The following ZCCHC2 variants were observed in gnomAD, a reference collection of about 807,000 sequenced individuals.
ZCCHC2 encodes zinc finger CCHC-type containing 2, also known as zinc finger CCHC domain-containing protein 2.
In ZCCHC2, 39 loss-of-function variants were observed where a neutral mutation model predicts 103.6. That is an observed-to-expected ratio of 0.38 (90% confidence interval 0.29 to 0.49). The LOEUF (loss-of-function observed/expected upper bound fraction) is 0.49. Among genes scored for constraint, ZCCHC2 ranks in the 20% least tolerant of loss-of-function variants. The pLI is 0.96. For synonymous variants in ZCCHC2, 687 were observed against 608.9 expected (o/e 1.13, Z -1.89); for missense variants, 1,483 against 1,491.0 (o/e 0.99, Z 0.09).
intron 4 of ZCCHC2, among the ~76,000 whole-genome samples, chr18:62,546,502 C>T (rs925560754): frequency 2.6e-5 from 4 of 152,200 alleles, no homozygotes; most frequent in African/African-American, 7.2e-5. Flanking sequence ...GTTTTCATTT[C>T]CCTTCTGCTG....
At chr18:62,550,700 A>G (rs1357808789) in intron 5 of ZCCHC2, among the ~76,000 whole-genome samples, 1 of 152,258 alleles carries the variant, frequency 6.6e-6, no homozygotes, top group Non-Finnish European at 1.5e-5. Context: ...AAATATGCAG[A>G]TATTGAATAA....
At chr18:62,524,533 G>C in intron 1 of ZCCHC2, 170 bp downstream of exon 1, 1 of 1,113,642 alleles carries the variant, frequency 9.0e-7, no homozygotes, top group Non-Finnish European at 1.2e-6. Flanking sequence ...TCGCTGGGCC[G>C]CTCCGTTCCA....
chr18:62,540,702 C>A (rs561567498), intron 2 of ZCCHC2, among the ~76,000 whole-genome samples: 108 of 151,914 alleles, frequency 7.1e-4, no homozygotes, highest in Non-Finnish European at 1.1e-3. Context: ...TTTAGAAGAA[C>A]GTAGAGATTA....
chr18:62,524,413 C>T lies in ZCCHC2; in HGVS notation c.939+50C>T, dbSNP rs867058145. 3.5e-6 allele frequency: 5 copies of T among 1,424,802 alleles called. No individual in the cohort carries two copies. The Middle Eastern group carries it at 7.3e-4, about 207-fold the overall frequency. 88.3% of individuals were successfully genotyped at this position (1,424,802 alleles called of 1,614,324 possible). On this transcript the variant is annotated intron_variant, in intron 1 of 13. Coordinates refer to ENST00000269499, the MANE Select transcript of ZCCHC2 (RefSeq NM_017742.6). ...ACTCGCGGTGCGATCGCTGCCCCGG[C>T]GGCCTCCCCGGCCTCGCTCTCGGAC... is the stretch of plus-strand genomic sequence containing the variant.
chr18:62,574,897 C>T lies in ZCCHC2; in HGVS notation c.2816C>T (p.Ala939Val), dbSNP rs746097067. ...PSQNSSVLST[A>V]ATSPQPASAG... ...CAGAACTCCAGTGTGCTCAGCACAG[C>T]AGCAACTTCTCCCCAGCCAGCGAGC... The change falls in exon 13 of 14, where the codon GCA becomes GTA. Residue 939 changes from alanine to valine, a missense_variant. By Grantham distance (64) the Ala-to-Val change is moderately conservative. This residue lies in a region of ZCCHC2 where 884 missense variants were observed against 907.5 expected (regional missense o/e 0.97). Transcript: ENST00000269499. The T allele has an allele frequency of 1.2e-6, 2 of 1,613,898 alleles. No homozygotes were observed. The highest frequency in any genetic ancestry group is 1.7e-5 in the Admixed American group (1 of 60,036).
chr18:62,562,301 C>T (rs1237399282), intron 8 of ZCCHC2, among the ~76,000 whole-genome samples: 2 of 152,082 alleles, frequency 1.3e-5, no homozygotes, highest in African/African-American at 2.4e-5. Context: ...CGTGCCCAGC[C>T]GTCCCATGTC....
At chr18:62,546,814 A>G (rs74397227) in intron 4 of ZCCHC2, among the ~76,000 whole-genome samples, 3,909 of 152,278 alleles carry the variant, frequency 0.026, 162 homozygotes, top group African/African-American at 0.088. Context: ...TACAACTCCA[A>G]ATAAGTAATT....
intron 9 of ZCCHC2, among the ~76,000 whole-genome samples, chr18:62,563,520 G>A (rs2083633069): frequency 6.6e-6 from 1 of 152,064 alleles, no homozygotes; most frequent in African/African-American, 2.4e-5. Flanking sequence ...AGCTGAGTGT[G>A]GTGGTACACA....
downstream of ZCCHC2, chr18:62,581,960 C>T (rs1917047672): frequency 6.4e-6 from 1 of 157,320 alleles, no homozygotes; most frequent in Admixed American, 6.5e-5. Flanking sequence ...TGGAGAGTCA[C>T]CTTGGGGAAG....
At chr18:62,553,154 T>TTGTG (rs1415208304) in intron 5 of ZCCHC2, among the ~76,000 whole-genome samples, 5 of 125,730 alleles carry the variant, frequency 4.0e-5, no homozygotes, top group African/African-American at 9.5e-5. Context: ...GCCCTTAGAT[T>TTGTG]TATGTGTGTG....
chr18:62,553,806 C>T (rs1050152413), intron 5 of ZCCHC2, among the ~76,000 whole-genome samples: 5 of 152,314 alleles, frequency 3.3e-5, no homozygotes, highest in Non-Finnish European at 7.3e-5. Flanking sequence ...TGCCGCCTCC[C>T]TGTGAATGGC....
chr18:62,561,026 G>A (rs143313998), intron 8 of ZCCHC2, among the ~76,000 whole-genome samples: 4 of 152,302 alleles, frequency 2.6e-5, no homozygotes, highest in Admixed American at 2.0e-4. Flanking sequence ...CCCCTAACTT[G>A]TAAGCCGTGG....
intron 1 of ZCCHC2, among the ~76,000 whole-genome samples, chr18:62,529,414 T>A (rs625195): frequency 0.75 from 114,494 of 151,966 alleles, 43,262 homozygotes; most frequent in East Asian, 0.79. Flanking sequence ...AAATATTAGC[T>A]GTTGCAGGTG....
chr18:62,574,363 T>G lies in ZCCHC2; in HGVS notation c.2282T>G (p.Ile761Arg). Residue 761 changes from isoleucine to arginine, a missense_variant, in exon 13 of 14, where the codon ATA becomes AGA. Ile to Arg is a moderately conservative substitution (Grantham distance 97). Coordinates refer to ENST00000269499, the MANE Select transcript of ZCCHC2 (RefSeq NM_017742.6). Reference sequence around the variant, plus strand: ...CCTAGTCCTGTTGCTATTTCTGCAATAAGGGAGTCTGCAAATTCAACCCCT... The same window carrying G: ...CCTAGTCCTGTTGCTATTTCTGCAAGAAGGGAGTCTGCAAATTCAACCCCT... ...LVPSPVAISA[I>R]RESANSTPVG... is the part of the protein sequence containing the mutation. 3 of 1,614,018 alleles carry G rather than the reference T, an allele frequency of 1.9e-6. No homozygotes were observed. The highest frequency in any genetic ancestry group is 2.5e-6 in the Non-Finnish European group (3 of 1,179,890).
downstream of ZCCHC2, among the ~76,000 whole-genome samples, chr18:62,582,056 TA>T (rs1917050783): frequency 6.6e-6 from 1 of 152,152 alleles, no homozygotes; most frequent in Admixed American, 6.5e-5. Context: ...AAGGGAAAAT[TA>T]TAAAAGAGTT....
intron 11 of ZCCHC2, among the ~76,000 whole-genome samples, chr18:62,567,870 G>T (rs572594852): frequency 3.4e-5 from 5 of 147,378 alleles, no homozygotes; most frequent in African/African-American, 1.3e-4. Context: ...ACTTGAACCC[G>T]GGAGGTGGAG....
In ZCCHC2 at chr18:62,565,444, C is replaced by CA. The variant is rs1381950246; in HGVS notation, c.1846+349dup. Among the ~76,000 whole-genome samples, 10 of 152,208 alleles carry CA rather than the reference C, an allele frequency of 6.6e-5. No individual in the cohort carries two copies. In the South Asian group the frequency reaches 1.0e-3, roughly 16 times the overall value. On this transcript the variant is annotated intron_variant, in intron 11 of 13. Transcript: ENST00000269499. ...CTCTCCTGTGGCTTTGCCGGCCGCT[C>CA]ATGAGAGTGTTTTTGTGTAAAGTAT...
chr18:62,572,921 T>C (rs1205517236), intron 12 of ZCCHC2, among the ~76,000 whole-genome samples: 1 of 152,190 alleles, frequency 6.6e-6, no homozygotes, highest in Non-Finnish European at 1.5e-5. Context: ...ATACCCCAAT[T>C]ATTAATCTAT....
At chr18:62,569,023 G>T (rs1353435506) in intron 11 of ZCCHC2, among the ~76,000 whole-genome samples, 2 of 152,148 alleles carry the variant, frequency 1.3e-5, no homozygotes, top group African/African-American at 4.8e-5. Context: ...GAACTCCTCT[G>T]CCACTTTTCC....
Sources: gnomAD v4.1 joint callset for allele counts (sites outside exome capture counted in the v4.1 genomes callset) on GRCh38, gnomAD v4.1.1 for gene constraint, gnomAD v4.1.1 regional missense constraint, MANE v1.5 for transcripts, NCBI Gene and HGNC (gene_info 2026-07-23, HGNC 2026-07-21) for gene names.